Variants in ADARB2 observed in about 807,000 individuals in gnomAD.
ADARB2 encodes adenosine deaminase RNA specific B2 (inactive), also known as inactive double-stranded RNA-specific editase B2.
In ADARB2, 25 loss-of-function variants were observed where a neutral mutation model predicts 62.2. The observed-to-expected ratio is 0.40, with a 90% CI of 0.29 to 0.56. The LOEUF (loss-of-function observed/expected upper bound fraction) is 0.56, where lower values mean the gene tolerates loss of function less well. Among genes scored for constraint, ADARB2 ranks in the 20% least tolerant of loss-of-function variants. ADARB2 has a pLI of 0.43. For missense variants in ADARB2, 1,071 were observed against 1,077.4 expected (o/e 0.99, Z 0.08); for synonymous variants, 572 against 500.8 (o/e 1.14, Z -1.90).
At chr10:1,700,275 G>A (rs1297850339) in intron 1 of ADARB2, among the ~76,000 whole-genome samples, 3 of 13,852 alleles carry the variant, frequency 2.2e-4, no homozygotes, top group African/African-American at 4.5e-4. Flanking sequence ...CCACTCCACC[G>A]GGAGACCAGG....
At chr10:1,676,674 T>C (rs1834470264) in intron 1 of ADARB2, among the ~76,000 whole-genome samples, 1 of 152,158 alleles carries the variant, frequency 6.6e-6, no homozygotes, top group Non-Finnish European at 1.5e-5. Flanking sequence ...TTTATCTCAA[T>C]TGTTTAGAAG....
At chr10:1,514,060 TAAAAACAAACAAA>T (rs1416602185) in intron 1 of ADARB2, among the ~76,000 whole-genome samples, 4 of 150,798 alleles carry the variant, frequency 2.7e-5, no homozygotes, top group African/African-American at 9.7e-5. Context: ...CTGTCTCTAC[TAAAAACAAACAAA>T]AAATTAGCCA....
intron 4 of ADARB2, among the ~76,000 whole-genome samples, chr10:1,242,533 C>T (rs1409574054): frequency 6.6e-6 from 1 of 152,230 alleles, no homozygotes; most frequent in Admixed American, 6.5e-5. Flanking sequence ...CAGAGTGCCT[C>T]TGCTATCCTT....
At chr10:1,222,914 C>T (rs1409248498) in intron 6 of ADARB2, among the ~76,000 whole-genome samples, 1 of 151,712 alleles carries the variant, frequency 6.6e-6, no homozygotes, top group African/African-American at 2.4e-5. Context: ...TTTTTGGTTC[C>T]ATATGAACTT....
At chr10:1,723,928 G>A (rs965088892) in intron 1 of ADARB2, among the ~76,000 whole-genome samples, 22 of 152,160 alleles carry the variant, frequency 1.4e-4, no homozygotes, top group Admixed American at 1.4e-3. Flanking sequence ...CCTTATTGAG[G>A]TAGAGATAAT....
chr10:1,267,662 A>G (rs1485925324), intron 4 of ADARB2, among the ~76,000 whole-genome samples: 2 of 152,212 alleles, frequency 1.3e-5, no homozygotes, highest in Admixed American at 6.5e-5. Context: ...CACGCACAAT[A>G]TTTCAAAAGC....
At chr10:1,639,170 C>T (rs551694015) in intron 1 of ADARB2, among the ~76,000 whole-genome samples, 2 of 152,370 alleles carry the variant, frequency 1.3e-5, no homozygotes, top group South Asian at 4.1e-4. Flanking sequence ...CTGCTGCCTG[C>T]CAAGCCTGTC....
chr10:1,637,196 C>G (rs535334660), intron 1 of ADARB2, among the ~76,000 whole-genome samples: 1 of 152,236 alleles, frequency 6.6e-6, no homozygotes, highest in African/African-American at 2.4e-5. Context: ...TCTGCTCTAG[C>G]TAACATCAGA....
At chr10:1,467,894 G>A (rs1350088284) in intron 1 of ADARB2, among the ~76,000 whole-genome samples, 5 of 152,120 alleles carry the variant, frequency 3.3e-5, no homozygotes, top group Non-Finnish European at 7.3e-5. Flanking sequence ...TCTGTCTGAC[G>A]AGGACATTGA....
chr10:1,524,155 A>C (rs763621376), intron 1 of ADARB2, among the ~76,000 whole-genome samples: 1 of 152,186 alleles, frequency 6.6e-6, no homozygotes, highest in Non-Finnish European at 1.5e-5. Context: ...CACTATCTTT[A>C]AGGTACACAA....
chr10:1,625,951 GGATGCTA>G (rs1833761171), intron 1 of ADARB2, among the ~76,000 whole-genome samples: 7 of 121,710 alleles, frequency 5.8e-5, no homozygotes, highest in African/African-American at 1.1e-4. Flanking sequence ...AGTGGACCTC[GGATGCTA>G]ACCCCACGTC....
chr10:1,585,050 G>T (rs1380573832), intron 1 of ADARB2, among the ~76,000 whole-genome samples: 1 of 151,818 alleles, frequency 6.6e-6, no homozygotes. Context: ...TTGTACATTT[G>T]TCTACACCCA....
intron 1 of ADARB2, among the ~76,000 whole-genome samples, chr10:1,702,109 T>C (rs1339778750): frequency 6.6e-6 from 1 of 152,252 alleles, no homozygotes; most frequent in Admixed American, 6.5e-5. Context: ...TGGAGGCTCC[T>C]TTCTGTATGT....
At chr10:1,228,366 C>G (rs1268242822) in intron 6 of ADARB2, among the ~76,000 whole-genome samples, 2 of 152,166 alleles carry the variant, frequency 1.3e-5, no homozygotes, top group Admixed American at 6.5e-5. Context: ...AGGAGCTGCT[C>G]AACCACAGTG....
chr10:1,354,863 G>A (rs1477730985), intron 3 of ADARB2, among the ~76,000 whole-genome samples: 1 of 152,206 alleles, frequency 6.6e-6, no homozygotes, highest in Non-Finnish European at 1.5e-5. Flanking sequence ...TCTACCCCAG[G>A]GAGGCTGTAG....
intron 1 of ADARB2, among the ~76,000 whole-genome samples, chr10:1,488,840 G>T (rs138316706): frequency 1.3e-5 from 2 of 151,856 alleles, no homozygotes; most frequent in African/African-American, 4.9e-5. Context: ...TGACGATATC[G>T]TCTGACAGGT....
At chr10:1,694,135 T>C (rs970882822) in intron 1 of ADARB2, among the ~76,000 whole-genome samples, 1 of 152,254 alleles carries the variant, frequency 6.6e-6, no homozygotes, top group African/African-American at 2.4e-5. Flanking sequence ...TTGATTATTA[T>C]TAGAGCAGTT....
At chr10:1,423,749 C>A (rs1379806371) in intron 1 of ADARB2, among the ~76,000 whole-genome samples, 1 of 151,862 alleles carries the variant, frequency 6.6e-6, no homozygotes, top group African/African-American at 2.4e-5. Flanking sequence ...TGCAGTAGGT[C>A]CACTATGTAT....
At chr10:1,582,267 C>A (rs536627090) in intron 1 of ADARB2, among the ~76,000 whole-genome samples, 3 of 152,138 alleles carry the variant, frequency 2.0e-5, no homozygotes, top group Non-Finnish European at 4.4e-5. Context: ...CGTGACCCTG[C>A]GTTACCTGCT....
Sources: gnomAD v4.1 joint callset for allele counts (sites outside exome capture counted in the v4.1 genomes callset) on GRCh38, gnomAD v4.1.1 for gene constraint, MANE v1.5 for transcripts, NCBI Gene and HGNC (gene_info 2026-07-23, HGNC 2026-07-21) for gene names.